Variants in MINAR1 observed in about 807,000 individuals in gnomAD.
MINAR1 encodes the protein major intrinsically disordered Notch2-binding receptor 1.
In MINAR1, 40 loss-of-function variants were observed where a neutral mutation model predicts 65.1. The observed-to-expected ratio is 0.61, with a 90% CI of 0.48 to 0.80. MINAR1 has a LOEUF of 0.80. MINAR1 is among the 30% of genes least tolerant of loss of function. The pLI is 0.00. For missense variants in MINAR1, 1,128 were observed against 1,148.0 expected, an observed-to-expected ratio of 0.98 and a Z score of 0.25; for synonymous variants, 482 against 449.1, an observed-to-expected ratio of 1.07 and a Z score of -0.93.
chr15:79,443,182 A>G (rs1478491526), intron 1 of MINAR1, among the ~76,000 whole-genome samples: 3 of 152,232 alleles, frequency 2.0e-5, no homozygotes, highest in East Asian at 1.9e-4. Context: ...TGTGGGAGGC[A>G]GGCTTTGCTG....
chr15:79,437,767 TGAGTG>T (rs1316825432), intron 1 of MINAR1, among the ~76,000 whole-genome samples: 1 of 45,354 alleles, frequency 2.2e-5, no homozygotes, highest in African/African-American at 8.6e-5. Context: ...GTGTGGGGTG[TGAGTG>T]GGGTGGGTAG....
Position 79,468,451 on chromosome 15 carries a change from C to A in MINAR1, c.*67C>A. On this transcript the variant is annotated 3_prime_UTR_variant, in exon 4 of 4. Coordinates refer to ENST00000305428, the MANE Select transcript of MINAR1 (RefSeq NM_015206.3). ...TCGTCGTCTGTATCTTAGAATCTTG[C>A]AGCAGTGAGGCAACAATTTGTTGAA... is the stretch of plus-strand genomic sequence containing the variant. 4 of 1,400,754 alleles carry A rather than the reference C, an allele frequency of 2.9e-6. No individual in the cohort carries two copies. Among genetic ancestry groups the A allele is most frequent in the Non-Finnish European group, 3.9e-6 (4 of 1,015,438 alleles). 86.8% of individuals were successfully genotyped at this position (1,400,754 alleles called of 1,614,324 possible). A position where few individuals can be genotyped will look rare whatever the true frequency, so the allele number is the denominator to read the frequency against.
Position 79,457,421 on chromosome 15 carries a change from C to T in MINAR1, c.1274C>T (p.Pro425Leu), listed in dbSNP as rs1470231575. 8.7e-6 allele frequency: 14 copies of T among 1,614,108 alleles called. No homozygotes were observed. The South Asian group carries it at 1.3e-4, about 15-fold the overall frequency. ...LVPKDQQPIL[P>L]IAYAAKQNGL... Reference sequence around the variant, plus strand: ...CCAAAGGATCAACAGCCAATTCTCCCCATTGCTTATGCGGCAAAACAAAAT... The same window carrying T: ...CCAAAGGATCAACAGCCAATTCTCCTCATTGCTTATGCGGCAAAACAAAAT... The change falls in exon 2 of 4, where the codon CCC (proline) becomes CTC (leucine). Residue 425 changes from proline to leucine, a missense_variant. By Grantham distance (98) the Pro-to-Leu change is moderately conservative. Coordinates refer to ENST00000305428, the MANE Select transcript of MINAR1 (RefSeq NM_015206.3).
At chr15:79,432,585 A>AGG (rs111350363) in intron 1 of MINAR1, 45 bp downstream of exon 1, 2 of 150,752 alleles carry the variant, frequency 1.3e-5, no homozygotes, top group East Asian at 4.0e-4. Context: ...GGAGCGCACG[A>AGG]GTGTGTGTGT....
intron 1 of MINAR1, among the ~76,000 whole-genome samples, chr15:79,446,061 C>T (rs924323761): frequency 6.6e-6 from 1 of 152,220 alleles, no homozygotes; most frequent in East Asian, 1.9e-4. Context: ...TTTCTACCTT[C>T]TCTTAATTGA....
chr15:79,457,887 C>A lies in MINAR1; in HGVS notation c.1740C>A (p.Asn580Lys). The A allele has an allele frequency of 6.2e-7, 1 of 1,614,076 alleles. No homozygotes were observed. Among genetic ancestry groups the A allele is most frequent in the Non-Finnish European group, 8.5e-7 (1 of 1,180,028 alleles). Reference protein sequence around the residue: ...GVPNSKGDKGNRPENTHHSEE... With the variant: ...GVPNSKGDKGKRPENTHHSEE... Reference sequence around the variant, plus strand: ...CCAACAGCAAGGGAGACAAGGGCAACCGGCCTGAAAACACCCACCACTCGG... The same window carrying A: ...CCAACAGCAAGGGAGACAAGGGCAAACGGCCTGAAAACACCCACCACTCGG... Residue 580 changes from asparagine (N) to lysine (K), a missense_variant, in exon 2 of 4, where the codon AAC (asparagine) becomes AAA (lysine). Asn to Lys is a moderately conservative substitution (Grantham distance 94, BLOSUM62 0). Transcript: ENST00000305428.
At chr15:79,447,912 G>A (rs1222082474) in intron 1 of MINAR1, among the ~76,000 whole-genome samples, 1 of 152,062 alleles carries the variant, frequency 6.6e-6, no homozygotes, top group African/African-American at 2.4e-5. Flanking sequence ...TCCTTCAAGG[G>A]TCCCAGCTTT....
Position 79,465,588 on chromosome 15 carries a change from G to T in MINAR1, c.2553+2267G>T, listed in dbSNP as rs80341185. Among the ~76,000 whole-genome samples, 544 of 152,190 alleles carry T rather than the reference G, an allele frequency of 3.6e-3. 1 individual carries two copies. The highest frequency in any genetic ancestry group is 6.2e-3 in the Non-Finnish European group (420 of 68,006). On this transcript the variant is annotated intron_variant, in intron 3 of 3. Transcript: ENST00000305428. ...ATCCCAGCCCGTAATAGTGTATATAGCTATGAAAGAAAGCCAATTTCCTTC... is the reference window on the plus strand; with the variant it reads ...ATCCCAGCCCGTAATAGTGTATATATCTATGAAAGAAAGCCAATTTCCTTC...
upstream of MINAR1, among the ~76,000 whole-genome samples, chr15:79,431,327 G>A (rs77758229): frequency 0.034 from 5,233 of 152,234 alleles, 301 homozygotes; most frequent in African/African-American, 0.12. Context: ...AGCTTCCCCA[G>A]CCACAGGGAC....
At chr15:79,441,691 T>TC (rs1311276439) in intron 1 of MINAR1, among the ~76,000 whole-genome samples, 13 of 152,160 alleles carry the variant, frequency 8.5e-5, no homozygotes, top group Admixed American at 7.9e-4. Context: ...GTGCCTATTT[T>TC]CCCTCATTCT....
Position 79,457,792 on chromosome 15 carries a change from T to G in MINAR1, c.1645T>G (p.Ser549Ala), listed in dbSNP as rs769695045. The G allele has an allele frequency of 1.2e-6, 2 of 1,614,020 alleles. No individual in the cohort carries two copies. Among genetic ancestry groups the G allele is most frequent in the Non-Finnish European group, 8.5e-7 (1 of 1,180,026 alleles). Residue 549 changes from serine to alanine, a missense_variant, in exon 2 of 4, where the codon TCT becomes GCT. Physicochemically the swap from Ser to Ala is moderately conservative, Grantham distance 99 (BLOSUM62 1). Coordinates refer to ENST00000305428, the MANE Select transcript of MINAR1 (RefSeq NM_015206.3). ...CTGCTACAACAGCACAGGATCCTTG[T>G]CTCAGCTCCATAAGTCAGACTGCGA... ...SSCYNSTGSL[S>A]QLHKSDCDSS...
In MINAR1 at chr15:79,468,493, G is replaced by A. The variant is rs1030412559; in HGVS notation, c.*109G>A. 8.2e-5 allele frequency: 81 copies of A among 986,452 alleles called. No individual in the cohort carries two copies. Among genetic ancestry groups the A allele is most frequent in the Non-Finnish European group, 1.1e-4 (75 of 672,574 alleles). 61.1% of individuals were successfully genotyped at this position (986,452 alleles called of 1,614,324 possible). ...TTTGTTGAAATGGAGATGAAATCAT[G>A]GAGGCATTTCTACAAATGTTGAATG... On this transcript the variant is annotated 3_prime_UTR_variant, in exon 4 of 4. Transcript: ENST00000305428.
rs113298581 is a variant in MINAR1 at position 79,453,132 on chromosome 15, T to G, written c.-50-2966T>G. Among the ~76,000 whole-genome samples, 1,410 of 152,120 alleles carry G rather than the reference T, an allele frequency of 9.3e-3. 24 individuals carry two copies. Among genetic ancestry groups the G allele is most frequent in the African/African-American group, 0.033 (1,351 of 41,502 alleles). On this transcript the variant is annotated intron_variant, in intron 1 of 3. Transcript: ENST00000305428. ...GTTTCTCTAGCCTCCTTTTCCTCATTTCTCTTGAATAGCTGGGGAATGTCC... is the reference window on the plus strand; with the variant it reads ...GTTTCTCTAGCCTCCTTTTCCTCATGTCTCTTGAATAGCTGGGGAATGTCC...
chr15:79,425,533 C>T, the MINAR1 span: 1 of 152,242 alleles, frequency 6.6e-6, no homozygotes, highest in Non-Finnish European at 1.5e-5. Context: ...CTCCTTTCCC[C>T]TCTCCACTGT....
chr15:79,456,430 C>A lies in MINAR1; in HGVS notation c.283C>A (p.Gln95Lys), dbSNP rs1157447331. The A allele has an allele frequency of 1.2e-6, 2 of 1,614,066 alleles. No homozygotes were observed. Among genetic ancestry groups the A allele is most frequent in the Non-Finnish European group, 1.7e-6 (2 of 1,180,040 alleles). ...ADIVTIFNLI[Q>K]MNGGAAKEKL... ...TATTGTGACGATATTCAACCTGATC[C>A]AAATGAATGGCGGGGCTGCCAAGGA... Residue 95 changes from glutamine (Q) to lysine (K), a missense_variant, in exon 2 of 4, where the codon CAA (glutamine) becomes AAA (lysine). Physicochemically the swap from Gln to Lys is moderately conservative, Grantham distance 53. Coordinates refer to ENST00000305428, the MANE Select transcript of MINAR1 (RefSeq NM_015206.3).
chr15:79,437,721 TA>T, intron 1 of MINAR1, among the ~76,000 whole-genome samples: 1 of 14,586 alleles, frequency 6.9e-5, no homozygotes, highest in Non-Finnish European at 1.5e-4. Flanking sequence ...TGTGGGTGGG[TA>T]GTGAGTGTGT....
upstream of MINAR1, among the ~76,000 whole-genome samples, chr15:79,431,875 C>A (rs1338935773): frequency 6.6e-6 from 1 of 152,216 alleles, no homozygotes; most frequent in African/African-American, 2.4e-5. Flanking sequence ...CTTCCCGGGG[C>A]TCCGGCGGCG....
chr15:79,466,352 T>C (rs1414367099), intron 3 of MINAR1, among the ~76,000 whole-genome samples: 1 of 152,218 alleles, frequency 6.6e-6, no homozygotes, highest in African/African-American at 2.4e-5. Context: ...TAGTAAATCC[T>C]TTAGGCCTTG....
At position 79,472,048 on chromosome 15, in the gene MINAR1, A is replaced by T. The variant is rs1346498395; in HGVS notation, c.*3664A>T. On this transcript the variant is annotated 3_prime_UTR_variant, in exon 4 of 4. Transcript: ENST00000305428. ...AGTGTGGAATGTAAGGTGAAATTTTATGTGCAAGATCCTGAAGGAATGGGT... is the reference window on the plus strand; with the variant it reads ...AGTGTGGAATGTAAGGTGAAATTTTTTGTGCAAGATCCTGAAGGAATGGGT... The T allele has an allele frequency of 6.6e-6, 1 of 152,576 alleles. No individual in the cohort carries two copies. The highest frequency in any genetic ancestry group is 1.5e-5 in the Non-Finnish European group (1 of 68,022). 9.5% of individuals were successfully genotyped at this position (152,576 alleles called of 1,614,324 possible).
Sources: allele counts gnomAD v4.1 joint callset (sites outside exome capture counted in the v4.1 genomes callset), GRCh38; gene constraint gnomAD v4.1.1; transcripts MANE v1.5; gene names NCBI Gene and HGNC (gene_info 2026-07-23, HGNC 2026-07-21).